PDZD2: variants seen among roughly 807,000 people sequenced by gnomAD.
The protein encoded by PDZD2 is PDZ domain-containing protein 2.
Under a neutral mutation model 220.7 loss-of-function variants are expected in PDZD2, and 90 were observed. The ratio of observed to expected loss-of-function variants is 0.41; its 90% CI spans 0.34 to 0.49. PDZD2 has a LOEUF of 0.49. Ranked by LOEUF, PDZD2 falls within the 20% of genes least tolerant of loss-of-function variation. PDZD2 has a pLI of 0.28. For synonymous variants in PDZD2, 1,375 were observed against 1,450.5 expected (o/e 0.95, Z 1.18); for missense variants, 3,174 against 3,608.5 (o/e 0.88, Z 3.08).
intron 2 of PDZD2, among the ~76,000 whole-genome samples, chr5:31,979,758 G>A (rs1048918074): frequency 2.0e-5 from 3 of 152,262 alleles, no homozygotes; most frequent in African/African-American, 4.8e-5. Flanking sequence ...TCACTTTACA[G>A]ATGAGGAAAC....
In PDZD2 at chr5:32,058,082, A is replaced by G. The variant is rs779164864; in HGVS notation, c.2179A>G (p.Met727Val). Residue 727 changes from methionine to valine, a missense_variant, in exon 12 of 25, where the codon ATG becomes GTG. This residue lies in a region of PDZD2 where 1,861 missense variants were observed against 2,001.0 expected (regional missense o/e 0.93). Coordinates refer to ENST00000438447, the MANE Select transcript of PDZD2 (RefSeq NM_178140.4). ...KTPGPKDRIV[M>V]EVTLNKEPRV... is the part of the protein sequence containing the mutation. ...CCCTGGGCCCAAGGACAGGATCGTCATGGAAGTAACACTCAACAAAGGTGA... is the reference window on the plus strand; with the variant it reads ...CCCTGGGCCCAAGGACAGGATCGTCGTGGAAGTAACACTCAACAAAGGTGA... 19 of 1,587,520 alleles carry G rather than the reference A, an allele frequency of 1.2e-5. No individual in the cohort carries two copies. Among genetic ancestry groups the G allele is most frequent in the Non-Finnish European group, 3.5e-6 (4 of 1,155,894 alleles).
At chr5:31,970,837 A>C (rs1396416089) in intron 2 of PDZD2, among the ~76,000 whole-genome samples, 1 of 152,122 alleles carries the variant, frequency 6.6e-6, no homozygotes, top group East Asian at 1.9e-4. Flanking sequence ...ATCCCCCTAA[A>C]GGTATTTATC....
At chr5:31,854,986 C>G in intron 2 of PDZD2, 3 of 985,430 alleles carry the variant, frequency 3.0e-6, no homozygotes, top group Non-Finnish European at 2.4e-6. Context: ...GAGCCGCGTT[C>G]CAGGAGGGCA....
intron 23 of PDZD2, chr5:32,100,693 C>T: frequency 2.6e-6 from 1 of 382,514 alleles, no homozygotes; most frequent in South Asian, 1.9e-5. Context: ...AGAGGATGAT[C>T]TGCTGCTGCC....
chr5:31,844,075 A>G (rs901867025), intron 2 of PDZD2: 6 of 152,130 alleles, frequency 3.9e-5, no homozygotes, highest in African/African-American at 1.4e-4. Context: ...CTTGAGGTCA[A>G]TTTGGAAGAA....
At chr5:32,033,662 C>G (rs1278993800) in intron 6 of PDZD2, among the ~76,000 whole-genome samples, 1 of 151,870 alleles carries the variant, frequency 6.6e-6, no homozygotes, top group African/African-American at 2.4e-5. Flanking sequence ...CTCTTTTGCC[C>G]AGGCTGGAAT....
At chr5:31,837,045 A>AAAGAAAGAAAGAAAGAAAGAAAGAAAGG (rs1756986331) in intron 2 of PDZD2, among the ~76,000 whole-genome samples, 1 of 113,438 alleles carries the variant, frequency 8.8e-6, no homozygotes, top group African/African-American at 3.6e-5. Flanking sequence ...AGAAAGAAAG[A>AAAGAAAGAAAGAAAGAAAGAAAGAAAGG]AAGAAAGAAA....
chr5:31,688,452 G>C (rs1300003770), intron 1 of PDZD2, among the ~76,000 whole-genome samples: 1 of 152,140 alleles, frequency 6.6e-6, no homozygotes, highest in Non-Finnish European at 1.5e-5. Flanking sequence ...AGCACGAAGA[G>C]CAAACCAGCA....
At chr5:31,691,408 A>T (rs9686417) in intron 1 of PDZD2, among the ~76,000 whole-genome samples, 49,762 of 132,926 alleles carry the variant, frequency 0.37, 10,212 homozygotes, top group East Asian at 0.5. Flanking sequence ...GCTCCCGTAG[A>T]GTGGAAGGGG....
At chr5:32,012,792 C>G (rs910175662) in intron 6 of PDZD2, among the ~76,000 whole-genome samples, 2 of 151,600 alleles carry the variant, frequency 1.3e-5, no homozygotes, top group African/African-American at 4.8e-5. Flanking sequence ...TAATAAATAA[C>G]CTATTACATA....
chr5:31,818,917 C>G (rs914919346), intron 2 of PDZD2, among the ~76,000 whole-genome samples: 1 of 152,148 alleles, frequency 6.6e-6, no homozygotes, highest in African/African-American at 2.4e-5. Flanking sequence ...AATCTATGTT[C>G]ATTTGCAATA....
chr5:31,640,423 C>A (rs1206298651), intron 1 of PDZD2, among the ~76,000 whole-genome samples: 2 of 152,240 alleles, frequency 1.3e-5, no homozygotes, highest in Non-Finnish European at 2.9e-5. Context: ...CTGTCCCCTG[C>A]AGCTGGCCTA....
chr5:32,023,168 C>T (rs1754359635), intron 6 of PDZD2, among the ~76,000 whole-genome samples: 1 of 152,166 alleles, frequency 6.6e-6, no homozygotes, highest in Non-Finnish European at 1.5e-5. Context: ...GCAGGGCTGG[C>T]CCTATGCAAT....
chr5:31,815,596 C>T (rs982316921), intron 2 of PDZD2, among the ~76,000 whole-genome samples: 7 of 152,116 alleles, frequency 4.6e-5, no homozygotes, highest in Non-Finnish European at 1.0e-4. Flanking sequence ...GTCTGTTGTG[C>T]CTGAATTCCT....
chr5:31,938,085 G>A (rs977776805), intron 2 of PDZD2, among the ~76,000 whole-genome samples: 10 of 152,102 alleles, frequency 6.6e-5, no homozygotes, highest in South Asian at 2.1e-4. Flanking sequence ...GTTGATTTCC[G>A]CCCCCATTTA....
chr5:31,958,969 G>C (rs1747972028), intron 2 of PDZD2, among the ~76,000 whole-genome samples: 1 of 149,228 alleles, frequency 6.7e-6, no homozygotes, highest in East Asian at 2.0e-4. Flanking sequence ...GTCTCGCTCT[G>C]TCACCCAGGC....
intron 12 of PDZD2, among the ~76,000 whole-genome samples, chr5:32,058,693 A>AAT (rs1739376335): frequency 6.6e-6 from 1 of 151,200 alleles, no homozygotes; most frequent in East Asian, 1.9e-4. Flanking sequence ...AAAAAAAAAA[A>AAT]TTCACCGGTG....
intron 1 of PDZD2, among the ~76,000 whole-genome samples, chr5:31,689,387 G>T (rs1747027070): frequency 9.3e-6 from 1 of 107,400 alleles, no homozygotes; most frequent in Non-Finnish European, 1.8e-5. Context: ...TCGAGACGGG[G>T]TTTCACCACA....
At chr5:31,856,944 A>G (rs1758505411) in intron 2 of PDZD2, among the ~76,000 whole-genome samples, 1 of 151,242 alleles carries the variant, frequency 6.6e-6, no homozygotes, top group South Asian at 2.1e-4. Context: ...ATAACTTTAA[A>G]AAGTCAAATA....
Sources: allele counts gnomAD v4.1 joint callset (sites outside exome capture counted in the v4.1 genomes callset), GRCh38; gene constraint gnomAD v4.1.1; regional missense constraint gnomAD v4.1.1; transcripts MANE v1.5; gene names NCBI Gene and HGNC (gene_info 2026-07-23, HGNC 2026-07-21).